CFAP54: variants seen among roughly 807,000 people sequenced by gnomAD.
CFAP54 encodes cilia and flagella associated protein 54, also known as cilia- and flagella-associated protein 54.
In CFAP54, 290 loss-of-function variants were observed where a neutral mutation model predicts 370.4. That is an observed-to-expected ratio of 0.78 (90% CI 0.71 to 0.86). The LOEUF is 0.86. CFAP54 is among the 40% of genes least tolerant of loss of function. CFAP54 has a pLI of 0.00. For synonymous variants in CFAP54, 1,206 were observed against 1,236.5 expected (o/e 0.98, Z 0.52); for missense variants, 3,399 against 3,528.7 (o/e 0.96, Z 0.93).
At position 96,700,053 on chromosome 12, in the gene CFAP54, G is replaced by A; in HGVS notation, c.6434G>A (p.Cys2145Tyr). 6.2e-7 allele frequency: 1 copy of A among 1,609,274 alleles called. No homozygotes were observed. Among genetic ancestry groups the A allele is most frequent in the South Asian group, 1.1e-5 (1 of 89,590 alleles). ...SQIFYGKNMP[C>Y]PIPAGYKATG... Reference sequence around the variant, plus strand: ...ATTTTCTATGGAAAAAACATGCCTTGTCCAATACCTGCAGGCTATAAAGCC... The same window carrying A: ...ATTTTCTATGGAAAAAACATGCCTTATCCAATACCTGCAGGCTATAAAGCC... Residue 2145 changes from cysteine (C) to tyrosine (Y), a missense_variant, in exon 46 of 68, where the codon TGT (cysteine) becomes TAT (tyrosine). By Grantham distance (194) the Cys-to-Tyr change is radical. Transcript: ENST00000524981.
intron 9 of CFAP54, 124 bp from the exon 10 acceptor site, chr12:96,533,668 T>C: frequency 2.6e-6 from 2 of 758,924 alleles, no homozygotes; most frequent in Admixed American, 7.0e-5. Flanking sequence ...TTTCCCCCAC[T>C]AGAACGTAAA....
chr12:96,573,269 G>A (rs551550877), intron 19 of CFAP54, among the ~76,000 whole-genome samples: 18 of 152,272 alleles, frequency 1.2e-4, no homozygotes, highest in African/African-American at 3.9e-4. Flanking sequence ...CCTGTGATGC[G>A]AATGAAGATA....
chr12:96,746,746 G>A (rs916902639), intron 55 of CFAP54, among the ~76,000 whole-genome samples: 6 of 151,962 alleles, frequency 3.9e-5, no homozygotes, highest in African/African-American at 4.8e-5. Context: ...TGATGCATGC[G>A]GTGCTGCATG....
At chr12:96,700,434 G>A (rs941639304) in intron 46 of CFAP54, among the ~76,000 whole-genome samples, 2 of 152,058 alleles carry the variant, frequency 1.3e-5, no homozygotes, top group African/African-American at 4.8e-5. Context: ...ATAATTTCTG[G>A]TTAAGATTTT....
In CFAP54 at chr12:96,489,906, G is replaced by A; in HGVS notation, c.297G>A (p.Lys99=). ...KKALATTEEE[K]HEFRRRCATS... ...CTTTAGCCACCACGGAGGAAGAGAAGCACGAATTCCGCCGGCGTTGGTAAG... is the reference window on the plus strand; with the variant it reads ...CTTTAGCCACCACGGAGGAAGAGAAACACGAATTCCGCCGGCGTTGGTAAG... The change falls in exon 1 of 68, where the codon AAG becomes AAA. Residue 99 remains lysine, a synonymous_variant. Coordinates refer to ENST00000524981, the MANE Select transcript of CFAP54 (RefSeq NM_001306084.2). 8 of 1,531,690 alleles carry A rather than the reference G, an allele frequency of 5.2e-6. No individual in the cohort carries two copies. Among genetic ancestry groups the A allele is most frequent in the Non-Finnish European group, 7.0e-6 (8 of 1,143,656 alleles). 94.9% of individuals were successfully genotyped at this position (1,531,690 alleles called of 1,614,324 possible).
rs182151069 is a variant in CFAP54 at position 96,740,237 on chromosome 12, C to G, written c.7071+176C>G. Among the ~76,000 whole-genome samples the G allele has an allele frequency of 6.0e-3, 916 of 152,162 alleles. 5 individuals are homozygous for G. Among genetic ancestry groups the G allele is most frequent in the Non-Finnish European group, 9.1e-3 (616 of 67,998 alleles). ...TATTTATTTATTGGTATACCTTGGA[C>G]AAATCTCTTAATTAAAAAAAAATTG... On this transcript the variant is annotated intron_variant, in intron 51 of 67. Coordinates refer to ENST00000524981, the MANE Select transcript of CFAP54 (RefSeq NM_001306084.2).
chr12:96,656,297 C>T (rs1220193150), intron 36 of CFAP54, among the ~76,000 whole-genome samples: 1 of 151,598 alleles, frequency 6.6e-6, no homozygotes, highest in Admixed American at 6.6e-5. Context: ...ATAGACAATT[C>T]TCTCCCCCCC....
intron 26 of CFAP54, among the ~76,000 whole-genome samples, chr12:96,605,270 GT>G (rs1226491016): frequency 2.6e-5 from 4 of 152,180 alleles, no homozygotes; most frequent in African/African-American, 9.7e-5. Context: ...CAGACTTTAA[GT>G]ATCTTAACCC....
chr12:96,671,390 G>GT (rs145650354), intron 39 of CFAP54, among the ~76,000 whole-genome samples: 1,535 of 151,922 alleles, frequency 0.01, 23 homozygotes, highest in African/African-American at 0.035. Flanking sequence ...TAATTTAGGG[G>GT]TTTTTTTTGT....
chr12:96,794,070 C>A (rs1244764338), intron 63 of CFAP54, among the ~76,000 whole-genome samples: 1 of 152,174 alleles, frequency 6.6e-6, no homozygotes, highest in African/African-American at 2.4e-5. Context: ...AGACCCAGAT[C>A]TTTTCTAGCT....
intron 33 of CFAP54, chr12:96,646,828 C>T (rs1734654996): frequency 6.6e-6 from 1 of 152,216 alleles, no homozygotes; most frequent in African/African-American, 2.4e-5. Flanking sequence ...TGGAAACTAT[C>T]ATTCTCAGCA....
At chr12:96,504,896 T>C (rs1955074959) in intron 3 of CFAP54, among the ~76,000 whole-genome samples, 1 of 152,176 alleles carries the variant, frequency 6.6e-6, no homozygotes, top group South Asian at 2.1e-4. Flanking sequence ...TACCTTCTGC[T>C]TTTTGCTTTT....
At chr12:96,585,735 C>T (rs1387452544) in intron 22 of CFAP54, among the ~76,000 whole-genome samples, 1 of 152,158 alleles carries the variant, frequency 6.6e-6, no homozygotes, top group Non-Finnish European at 1.5e-5. Context: ...GAAATTTAAA[C>T]CTTACAGCCA....
At chr12:96,806,213 T>C (rs11611082) in intron 63 of CFAP54, among the ~76,000 whole-genome samples, 1 of 49,712 alleles carries the variant, frequency 2.0e-5, no homozygotes, top group Non-Finnish European at 3.7e-5. Context: ...TATATATATA[T>C]AATAACAACA....
rs137856661 is a variant in CFAP54 at position 96,706,628 on chromosome 12, A to G, written c.6528+1832A>G. 1.2e-4 allele frequency among the ~76,000 whole-genome samples: 18 copies of G among 152,246 alleles called. No homozygotes were observed. In the East Asian group the frequency reaches 3.5e-3, roughly 29 times the overall value. On this transcript the variant is annotated intron_variant, in intron 47 of 67. Transcript: ENST00000524981. ...AATGAAGAGCCACTGGAGAGTTTTGAGCAGAAGTGTGTCCTGACTGATTTA... is the reference window on the plus strand; with the variant it reads ...AATGAAGAGCCACTGGAGAGTTTTGGGCAGAAGTGTGTCCTGACTGATTTA...
At chr12:96,646,697 C>G (rs1956796573) in intron 33 of CFAP54, 1 of 152,192 alleles carries the variant, frequency 6.6e-6, no homozygotes, top group South Asian at 2.1e-4. Context: ...GACTTGGAAC[C>G]AAGCCAAGTG....
At chr12:96,750,451 AT>A (rs1369635118) in intron 55 of CFAP54, among the ~76,000 whole-genome samples, 2 of 152,204 alleles carry the variant, frequency 1.3e-5, no homozygotes, top group African/African-American at 4.8e-5. Flanking sequence ...TTATATGTTG[AT>A]GATCATCATC....
chr12:96,754,991 G>A lies in CFAP54; in HGVS notation c.7840+1093G>A, dbSNP rs10860089. 2.8e-4 allele frequency among the ~76,000 whole-genome samples: 42 copies of A among 151,858 alleles called. 1 individual carries two copies. In the South Asian group the frequency reaches 7.1e-3, roughly 26 times the overall value. On this transcript the variant is annotated intron_variant, in intron 56 of 67. Coordinates refer to ENST00000524981, the MANE Select transcript of CFAP54 (RefSeq NM_001306084.2). Reference sequence around the variant, plus strand: ...ACTCCTGACCTCAAGCTATCCACCCGCCTTGGCCTCCCAAAGTGCTGGGAT... The same window carrying A: ...ACTCCTGACCTCAAGCTATCCACCCACCTTGGCCTCCCAAAGTGCTGGGAT...
chr12:96,781,742 A>G (rs1409674339), intron 60 of CFAP54, among the ~76,000 whole-genome samples: 1 of 152,144 alleles, frequency 6.6e-6, no homozygotes, highest in African/African-American at 2.4e-5. Context: ...TGATATAACT[A>G]TAGACATTTT....
Sources: gnomAD v4.1 joint callset for allele counts (sites outside exome capture counted in the v4.1 genomes callset) on GRCh38, gnomAD v4.1.1 for gene constraint, MANE v1.5 for transcripts, NCBI Gene and HGNC (gene_info 2026-07-23, HGNC 2026-07-21) for gene names.